The following CEP128 variants were observed in gnomAD, a reference collection of about 807,000 sequenced individuals.
CEP128 encodes the protein centrosomal protein 128kDa.
A neutral mutation model predicts 156.7 loss-of-function variants in CEP128; 132 were observed. The observed-to-expected ratio is 0.84, with a 90% CI of 0.73 to 0.97. The LOEUF is 0.97. CEP128 is among the 50% of genes least tolerant of loss of function. The pLI is 0.00. For synonymous variants in CEP128, 469 were observed against 448.9 expected (o/e 1.04, Z -0.57); for missense variants, 1,252 against 1,281.9 (o/e 0.98, Z 0.36).
At chr14:80,923,681 A>C (rs1830214578) in intron 2 of CEP128, among the ~76,000 whole-genome samples, 1 of 152,164 alleles carries the variant, frequency 6.6e-6, no homozygotes, top group Non-Finnish European at 1.5e-5. Context: ...TTGTGTTGAT[A>C]CTTAGGGGGG....
chr14:80,867,883 T>C (rs1047631377), intron 8 of CEP128, among the ~76,000 whole-genome samples: 1 of 151,992 alleles, frequency 6.6e-6, no homozygotes, highest in African/African-American at 2.4e-5. Context: ...ATAGATTAAA[T>C]ATAAAGAGAT....
intron 16 of CEP128, among the ~76,000 whole-genome samples, chr14:80,775,873 C>T (rs775369396): frequency 2.0e-5 from 3 of 152,180 alleles, no homozygotes. Context: ...CGCGCTGTCG[C>T]CCAGGCTGGA....
rs200910693 is a variant in CEP128 at position 80,738,501 on chromosome 14, G to GA, written c.2806+4573dup. Reference sequence around the variant, plus strand: ...TAGATTAAAATCAGATTTTTAGATAGAAAAAATCTAAGTCATACAGTAGTC... The same window carrying GA: ...TAGATTAAAATCAGATTTTTAGATAGAAAAAAATCTAAGTCATACAGTAGTC... On this transcript the variant is annotated intron_variant, in intron 19 of 24. Coordinates refer to ENST00000555265, the MANE Select transcript of CEP128 (RefSeq NM_152446.5). Among the ~76,000 whole-genome samples, 928 of 152,126 alleles carry GA rather than the reference G, an allele frequency of 6.1e-3. 10 individuals are homozygous for GA. The highest frequency in any genetic ancestry group is 0.021 in the African/African-American group (857 of 41,516).
At chr14:80,695,273 T>A (rs1490042264) in intron 19 of CEP128, among the ~76,000 whole-genome samples, 3 of 152,198 alleles carry the variant, frequency 2.0e-5, no homozygotes, top group African/African-American at 7.2e-5. Context: ...CTCAGAAATT[T>A]CTCCATTTGT....
At chr14:80,623,930 G>A (rs1893599577) in intron 19 of CEP128, among the ~76,000 whole-genome samples, 1 of 152,128 alleles carries the variant, frequency 6.6e-6, no homozygotes, top group Admixed American at 6.5e-5. Context: ...TTTGTGGTGA[G>A]CATTCAAAAT....
intron 19 of CEP128, among the ~76,000 whole-genome samples, chr14:80,674,976 A>G (rs996280580): frequency 8.6e-5 from 13 of 152,034 alleles, no homozygotes; most frequent in Non-Finnish European, 1.5e-4. Context: ...GTTTAAAGTA[A>G]GGACCTGTTT....
chr14:80,595,812 A>C (rs1312383858), intron 19 of CEP128, among the ~76,000 whole-genome samples: 1 of 152,208 alleles, frequency 6.6e-6, no homozygotes, highest in Non-Finnish European at 1.5e-5. Flanking sequence ...GGCAGAAGGC[A>C]AGGAGGAGCA....
chr14:80,547,453 G>T (rs1049773666), intron 21 of CEP128, among the ~76,000 whole-genome samples: 6 of 152,144 alleles, frequency 3.9e-5, no homozygotes, highest in Non-Finnish European at 8.8e-5. Flanking sequence ...TGCTAATCAG[G>T]ACATCTGAAT....
intron 13 of CEP128, among the ~76,000 whole-genome samples, chr14:80,808,465 G>A (rs904350339): frequency 6.6e-6 from 1 of 152,116 alleles, no homozygotes; most frequent in African/African-American, 2.4e-5. Flanking sequence ...GGAACCCAGA[G>A]GGTCATCTCA....
chr14:80,538,834 CTGATACTG>C (rs1310303844), intron 21 of CEP128, among the ~76,000 whole-genome samples: 2 of 152,216 alleles, frequency 1.3e-5, no homozygotes, highest in African/African-American at 4.8e-5. Flanking sequence ...CCGGCTTTCT[CTGATACTG>C]TGAAACAATC....
At chr14:80,706,794 C>T (rs967634549) in intron 19 of CEP128, among the ~76,000 whole-genome samples, 2 of 152,030 alleles carry the variant, frequency 1.3e-5, no homozygotes, top group African/African-American at 2.4e-5. Context: ...TTGTTATTGT[C>T]CCTGTGGCTC....
chr14:80,771,968 T>C (rs968468509), intron 16 of CEP128, among the ~76,000 whole-genome samples: 1 of 152,202 alleles, frequency 6.6e-6, no homozygotes, highest in African/African-American at 2.4e-5. Flanking sequence ...AAATAAGGTA[T>C]TGGGAGCTGA....
chr14:80,797,413 A>G (rs774658807), intron 13 of CEP128, among the ~76,000 whole-genome samples: 1 of 152,166 alleles, frequency 6.6e-6, no homozygotes, highest in Non-Finnish European at 1.5e-5. Context: ...GGTTTTCACT[A>G]CTCAAGAGAA....
intron 19 of CEP128, among the ~76,000 whole-genome samples, chr14:80,584,317 T>C (rs1474289053): frequency 6.6e-6 from 1 of 151,946 alleles, no homozygotes; most frequent in African/African-American, 2.4e-5. Flanking sequence ...GGCTACTTTT[T>C]ACATTTTCAG....
intron 19 of CEP128, among the ~76,000 whole-genome samples, chr14:80,606,945 C>CTCT (rs1892803512): frequency 1.3e-5 from 2 of 151,334 alleles, no homozygotes; most frequent in Non-Finnish European, 2.9e-5. Flanking sequence ...ACTCTCTAAA[C>CTCT]TCTTACCTTG....
At chr14:80,509,747 T>C (rs1888157397) in intron 23 of CEP128, among the ~76,000 whole-genome samples, 1 of 152,200 alleles carries the variant, frequency 6.6e-6, no homozygotes, top group Admixed American at 6.5e-5. Context: ...CTTATAGTAG[T>C]TTCATAATTT....
intron 16 of CEP128, among the ~76,000 whole-genome samples, chr14:80,763,925 G>A (rs114139772): frequency 3.3e-5 from 5 of 152,124 alleles, no homozygotes; most frequent in Non-Finnish European, 7.4e-5. Context: ...TGGTCTGATA[G>A]TAATAAAGAA....
chr14:80,546,532 G>C (rs1037689601), intron 21 of CEP128, among the ~76,000 whole-genome samples: 1 of 152,208 alleles, frequency 6.6e-6, no homozygotes, highest in African/African-American at 2.4e-5. Flanking sequence ...AAATGAAAGG[G>C]ATAAAATGAA....
chr14:80,692,723 A>T (rs900364643), intron 19 of CEP128, among the ~76,000 whole-genome samples: 3 of 152,174 alleles, frequency 2.0e-5, no homozygotes, highest in Non-Finnish European at 4.4e-5. Context: ...GTTGGAATAG[A>T]TCATCTCTAA....
Sources: allele counts gnomAD v4.1 joint callset (sites outside exome capture counted in the v4.1 genomes callset), GRCh38; gene constraint gnomAD v4.1.1; transcripts MANE v1.5; gene names NCBI Gene and HGNC (gene_info 2026-07-23, HGNC 2026-07-21).